Variants in CR1 observed in about 807,000 individuals in gnomAD.
CR1 encodes complement C3b/C4b receptor 1 (Knops blood group), also known as complement receptor type 1.
In CR1, 116 loss-of-function variants were observed where a neutral mutation model predicts 187.3. The observed-to-expected ratio is 0.62, with a 90% CI of 0.53 to 0.72. The LOEUF (loss-of-function observed/expected upper bound fraction) is 0.72. Among genes scored for constraint, CR1 ranks in the 30% least tolerant of loss-of-function variants. The pLI is 0.00. For missense variants in CR1, 1,731 were observed against 2,110.7 expected (o/e 0.82, Z 3.52); for synonymous variants, 576 against 747.1 (o/e 0.77, Z 3.73).
chr1:207,617,698 T>C (rs1662190641), intron 41 of CR1, among the ~76,000 whole-genome samples: 1 of 145,596 alleles, frequency 6.9e-6, no homozygotes, highest in Non-Finnish European at 1.5e-5. Context: ...ATTCCTTTGA[T>C]ATATTAGTCT....
At chr1:207,519,562 C>G (rs1318179060) in intron 4 of CR1, among the ~76,000 whole-genome samples, 1 of 152,146 alleles carries the variant, frequency 6.6e-6, no homozygotes, top group Non-Finnish European at 1.5e-5. Context: ...AACGCAAGTA[C>G]CGAAACTATT....
At chr1:207,591,395 A>C (rs866371098) in intron 35 of CR1, among the ~76,000 whole-genome samples, 15 of 152,248 alleles carry the variant, frequency 9.9e-5, no homozygotes, top group African/African-American at 3.4e-4. Context: ...AAGTTCTTTG[A>C]AACCGATGAA....
At chr1:207,519,996 G>T (rs1659925747) in intron 4 of CR1, among the ~76,000 whole-genome samples, 1 of 152,158 alleles carries the variant, frequency 6.6e-6, no homozygotes, top group African/African-American at 2.4e-5. Flanking sequence ...ACTACGTAAG[G>T]CTTTAGGCTA....
chr1:207,608,235 A>G (rs1661808665), intron 36 of CR1, among the ~76,000 whole-genome samples: 1 of 152,146 alleles, frequency 6.6e-6, no homozygotes, highest in Admixed American at 6.6e-5. Context: ...TCGGAAAGGT[A>G]AAAAAGTGCA....
intron 35 of CR1, among the ~76,000 whole-genome samples, chr1:207,602,186 T>TA (rs1337898389): frequency 2.6e-5 from 4 of 152,056 alleles, no homozygotes; most frequent in African/African-American, 9.7e-5. Context: ...GAAGCACCTT[T>TA]AAAAAAAGAC....
At chr1:207,637,297 C>T (rs1300730943) in intron 46 of CR1, among the ~76,000 whole-genome samples, 2 of 152,128 alleles carry the variant, frequency 1.3e-5, no homozygotes, top group Non-Finnish European at 2.9e-5. Flanking sequence ...TTGTCCTGTG[C>T]AATTGTGGTA....
At position 207,578,156 on chromosome 1, in the gene CR1, G is replaced by A. The variant is rs762375862; in HGVS notation, c.4889G>A (p.Cys1630Tyr). ...ATGAAAGGACCCCGCCGTGTGAAGT[G>A]CCAGGCCCTGAACAAATGGGAGCCA... ...FVMKGPRRVK[C>Y]QALNKWEPEL... The change falls in exon 29 of 47, where the codon TGC (cysteine) becomes TAC (tyrosine). Residue 1630 changes from cysteine to tyrosine, a missense_variant. Cys to Tyr is a radical substitution (Grantham distance 194). Coordinates refer to ENST00000367049, the MANE Select transcript of CR1 (RefSeq NM_000651.6). The A allele has an allele frequency of 6.2e-7, 1 of 1,611,848 alleles. No homozygotes were observed. The highest frequency in any genetic ancestry group is 2.2e-5 in the East Asian group (1 of 44,886).
intron 40 of CR1, among the ~76,000 whole-genome samples, chr1:207,615,007 C>A (rs1662051892): frequency 6.6e-6 from 1 of 152,002 alleles, no homozygotes; most frequent in Non-Finnish European, 1.5e-5. Context: ...TAGAATCTCG[C>A]CATATTGCCC....
At chr1:207,581,750 T>C (rs1171036240) in intron 31 of CR1, among the ~76,000 whole-genome samples, 168 bp from the exon 32 acceptor site, 1 of 152,234 alleles carries the variant, frequency 6.6e-6, no homozygotes, top group Non-Finnish European at 1.5e-5. Context: ...ATTTGGCTTC[T>C]GAGCCCGTCA....
At chr1:207,584,025 A>T (rs557082376) in intron 32 of CR1, among the ~76,000 whole-genome samples, 1 of 152,142 alleles carries the variant, frequency 6.6e-6, no homozygotes, top group Non-Finnish European at 1.5e-5. Context: ...ACCCTTAAAA[A>T]CCAATGAGTA....
At chr1:207,602,832 A>C (rs774700309) in intron 35 of CR1, among the ~76,000 whole-genome samples, 5 of 152,122 alleles carry the variant, frequency 3.3e-5, no homozygotes, top group Admixed American at 1.3e-4. Flanking sequence ...ATAAATACTT[A>C]TAAATTAATT....
chr1:207,586,092 C>T (rs1229889533), intron 33 of CR1, among the ~76,000 whole-genome samples: 2 of 151,560 alleles, frequency 1.3e-5, no homozygotes, highest in South Asian at 4.2e-4. Flanking sequence ...ATGGCTTAGT[C>T]TGTTTTGTTC....
chr1:207,525,896 T>C (rs1660153266), intron 5 of CR1, among the ~76,000 whole-genome samples: 1 of 152,026 alleles, frequency 6.6e-6, no homozygotes, highest in Admixed American at 6.5e-5. Flanking sequence ...AATCCCCCAT[T>C]TGATGCTTGA....
chr1:207,581,122 A>G (rs1002157258), intron 31 of CR1, among the ~76,000 whole-genome samples: 3 of 152,154 alleles, frequency 2.0e-5, no homozygotes, highest in East Asian at 1.9e-4. Context: ...ATATGTATAC[A>G]TACGTATACA....
At chr1:207,602,933 C>T (rs1306267698) in intron 35 of CR1, among the ~76,000 whole-genome samples, 2 of 151,670 alleles carry the variant, frequency 1.3e-5, no homozygotes, top group Non-Finnish European at 2.9e-5. Context: ...AGAAATTTAA[C>T]AGGAAATATA....
intron 3 of CR1, among the ~76,000 whole-genome samples, chr1:207,508,048 G>T (rs1659498458): frequency 6.6e-6 from 1 of 152,160 alleles, no homozygotes; most frequent in African/African-American, 2.4e-5. Flanking sequence ...AATCTGAAAA[G>T]GCTACATAAC....
rs367926730 is a variant in CR1 at position 207,609,562 on chromosome 1, A to G, written c.6169A>G (p.Ser2057Gly). Residue 2057 changes from serine (S) to glycine (G), a missense_variant, in exon 37 of 47, where the codon AGT becomes GGT. Transcript: ENST00000367049. ...TGCAATTAGAGTACCAGGAAACAGG[A>G]GTTTCTTTACCCTCACTGAGATCAT... ...ENAIRVPGNR[S>G]FFTLTEIIRF... 6.8e-6 allele frequency: 11 copies of G among 1,613,684 alleles called. No individual in the cohort carries two copies. In the African/African-American group the frequency reaches 1.3e-4, roughly 20 times the overall value.
Position 207,640,602 on chromosome 1 carries a change from A to G in CR1, c.*1193A>G, listed in dbSNP as rs1662954606. On this transcript the variant is annotated 3_prime_UTR_variant, in exon 47 of 47. Coordinates refer to ENST00000367049, the MANE Select transcript of CR1 (RefSeq NM_000651.6). ...TTAACTTTTTAAAACACAACTTTTA[A>G]AAAATGTATCAAAATAATAAACGTG... 2 of 152,264 alleles carry G rather than the reference A, an allele frequency of 1.3e-5. No individual in the cohort carries two copies. The highest frequency in any genetic ancestry group is 4.1e-4 in the South Asian group (2 of 4,836). 9.4% of individuals were successfully genotyped at this position (152,264 alleles called of 1,614,324 possible). A position where few individuals can be genotyped will look rare whatever the true frequency, so the allele number is the denominator to read the frequency against.
At chr1:207,577,738 C>T (rs1660797371) in intron 28 of CR1, 67 bp from the exon 29 acceptor site, 6 of 1,593,426 alleles carry the variant, frequency 3.8e-6, no homozygotes, top group Middle Eastern at 2.1e-4. Context: ...CACTGCACTC[C>T]AGCCTGGGTG....
Sources: allele counts gnomAD v4.1 joint callset (sites outside exome capture counted in the v4.1 genomes callset), GRCh38; gene constraint gnomAD v4.1.1; transcripts MANE v1.5; gene names NCBI Gene and HGNC (gene_info 2026-07-23, HGNC 2026-07-21).